Variants in RAB27B observed in about 807,000 individuals in gnomAD.
RAB27B encodes RAB27B, member RAS oncogene family.
RAB27B carries 15 observed loss-of-function variants against 24.6 expected under a neutral mutation model. The ratio of observed to expected loss-of-function variants is 0.61; its 90% confidence interval spans 0.41 to 0.94. The LOEUF (loss-of-function observed/expected upper bound fraction) is 0.94, where lower values mean the gene tolerates loss of function less well. Ranked by LOEUF, RAB27B falls within the 40% of genes least tolerant of loss-of-function variation. The pLI, the probability that RAB27B is intolerant of heterozygous loss-of-function variation, is 0.00. For synonymous variants in RAB27B, 105 were observed against 92.5 expected (o/e 1.14, Z -0.78); for missense variants, 261 against 266.8 (o/e 0.98, Z 0.15).
At position 54,807,567 on chromosome 18, in the gene RAB27B, G is replaced by A. The variant is rs140404366; in HGVS notation, c.-19-70000G>A. On this transcript the variant is annotated intron_variant, in intron 2 of 4. Coordinates refer to the RAB27B transcript ENST00000586570. ...TCATTTCTTAGCTCTATCAATATGC[G>A]TATCATCTGGTTGCCAGCTATGGAA... Among the ~76,000 whole-genome samples the A allele has an allele frequency of 9.8e-4, 149 of 152,200 alleles. 1 individual carries two copies. Among genetic ancestry groups the A allele is most frequent in the African/African-American group, 3.3e-3 (139 of 41,534 alleles).
intron 2 of RAB27B, among the ~76,000 whole-genome samples, chr18:54,721,980 T>C (rs1231773967): frequency 6.6e-6 from 1 of 152,178 alleles, no homozygotes; most frequent in Non-Finnish European, 1.5e-5. Flanking sequence ...TTCTGAAACT[T>C]TGAAATCTTG....
chr18:54,791,455 G>C (rs1051233015), intron 2 of RAB27B, among the ~76,000 whole-genome samples: 5 of 152,130 alleles, frequency 3.3e-5, no homozygotes, highest in Non-Finnish European at 5.9e-5. Context: ...CACGCCTGTA[G>C]TCCCAGCTAC....
chr18:54,884,471 TG>T (rs766249373), intron 4 of RAB27B, 35 bp downstream of exon 4: 45 of 1,418,576 alleles, frequency 3.2e-5, no homozygotes, highest in Non-Finnish European at 4.2e-5. Context: ...TTGGCCGCTT[TG>T]GGACTCAACT....
intron 2 of RAB27B, among the ~76,000 whole-genome samples, chr18:54,822,563 GACTAT>G (rs1910343886): frequency 6.6e-6 from 1 of 152,124 alleles, no homozygotes; most frequent in African/African-American, 2.4e-5. Flanking sequence ...ATTTGCATAT[GACTAT>G]ACTTATGTCC....
chr18:54,841,462 A>G (rs1427994383), intron 1 of RAB27B, among the ~76,000 whole-genome samples: 1 of 152,240 alleles, frequency 6.6e-6, no homozygotes, highest in Non-Finnish European at 1.5e-5. Context: ...TGTGGATTTT[A>G]GTATCCACCG....
At chr18:54,836,964 T>G (rs1910918663) in intron 1 of RAB27B, among the ~76,000 whole-genome samples, 1 of 152,192 alleles carries the variant, frequency 6.6e-6, no homozygotes, top group African/African-American at 2.4e-5. Context: ...AATACCAATT[T>G]AATCTCTGGT....
chr18:54,794,331 TTC>T (rs1375634898), intron 2 of RAB27B, among the ~76,000 whole-genome samples: 1 of 152,240 alleles, frequency 6.6e-6, no homozygotes, highest in Admixed American at 6.5e-5. Context: ...TTGCATATTT[TTC>T]TGAGTGTCAT....
chr18:54,839,612 G>A (rs1217070234), intron 1 of RAB27B, among the ~76,000 whole-genome samples: 2 of 152,090 alleles, frequency 1.3e-5, no homozygotes, highest in African/African-American at 4.8e-5. Context: ...AAAAGAAAAG[G>A]TTTCTTATCT....
intron 1 of RAB27B, among the ~76,000 whole-genome samples, chr18:54,849,699 C>G (rs749503660): frequency 4.6e-5 from 7 of 151,978 alleles, no homozygotes; most frequent in Non-Finnish European, 8.8e-5. Flanking sequence ...CCAGCCTGGG[C>G]GACAGAGCCA....
At chr18:54,812,565 A>ACACT (rs1321174090) in intron 2 of RAB27B, among the ~76,000 whole-genome samples, 2 of 149,662 alleles carry the variant, frequency 1.3e-5, no homozygotes, top group African/African-American at 5.0e-5. Context: ...ACACACACAC[A>ACACT]CACACACACA....
At chr18:54,753,822 T>C (rs1056782086) in intron 2 of RAB27B, among the ~76,000 whole-genome samples, 3 of 152,146 alleles carry the variant, frequency 2.0e-5, no homozygotes, top group African/African-American at 4.8e-5. Flanking sequence ...AGTTTTGCCA[T>C]TTTATAAAAT....
chr18:54,804,891 TCTCTTTCTCTCTCTCTTTCTTTC>T (rs1909726689), intron 2 of RAB27B, among the ~76,000 whole-genome samples: 1 of 78,606 alleles, frequency 1.3e-5, no homozygotes, highest in African/African-American at 4.7e-5. Flanking sequence ...TTTCTTTCTT[TCTCTTTCTCTCTCTCTTTCTTTC>T]TTTCTTTCTT....
At chr18:54,827,664 A>G (rs936361783), upstream of RAB27B, among the ~76,000 whole-genome samples, 10 of 152,238 alleles carry the variant, frequency 6.6e-5, no homozygotes, top group Admixed American at 5.9e-4. Context: ...CTCGTTGTTT[A>G]CTAACATGAA....
At chr18:54,764,856 G>T (rs1908308525) in intron 2 of RAB27B, among the ~76,000 whole-genome samples, 1 of 151,998 alleles carries the variant, frequency 6.6e-6, no homozygotes, top group Non-Finnish European at 1.5e-5. Flanking sequence ...TGCTGTCTGT[G>T]GCATCTCACA....
At chr18:54,875,017 C>G (rs1912636615) in intron 1 of RAB27B, among the ~76,000 whole-genome samples, 1 of 152,104 alleles carries the variant, frequency 6.6e-6, no homozygotes, top group African/African-American at 2.4e-5. Context: ...TTCAATGATA[C>G]AGTCCTGGTA....
intron 2 of RAB27B, among the ~76,000 whole-genome samples, chr18:54,814,189 G>A (rs1282109655): frequency 6.6e-6 from 1 of 151,856 alleles, no homozygotes; most frequent in Non-Finnish European, 1.5e-5. Flanking sequence ...CTCTGTAAAG[G>A]GCCAGATAAT....
chr18:54,894,430 A>G lies in RAB27B; in HGVS notation c.*5017A>G, dbSNP rs914337856. ...CTGACCTTAACTTAATGGATCCCTT[A>G]TTCAATCAGTGGCTTCTGTCTTTAT... On this transcript the variant is annotated 3_prime_UTR_variant, in exon 6 of 6. Transcript: ENST00000262094. 5 of 152,042 alleles carry G rather than the reference A, an allele frequency of 3.3e-5. No homozygotes were observed. The highest frequency in any genetic ancestry group is 1.2e-4 in the African/African-American group (5 of 41,426). The allele number at this position is 152,042 out of a possible 1,614,324, so 9.4% of individuals were successfully genotyped here.
chr18:54,884,217 T>A, intron 3 of RAB27B, 116 bp from the exon 4 acceptor site: 5 of 619,966 alleles, frequency 8.1e-6, no homozygotes, highest in Non-Finnish European at 1.2e-5. Context: ...TTCCCTAAGA[T>A]ATTCCATAAG....
In RAB27B at chr18:54,850,732, A is replaced by G. The variant is rs1162163970; in HGVS notation, c.-20+22032A>G. Reference sequence around the variant, plus strand: ...CGGTGACTGATGAAGGGACTTATTCAGTGCTTTTCCTTTATGCACTGATAT... The same window carrying G: ...CGGTGACTGATGAAGGGACTTATTCGGTGCTTTTCCTTTATGCACTGATAT... On this transcript the variant is annotated intron_variant, in intron 1 of 5. Transcript: ENST00000262094. Among the ~76,000 whole-genome samples the G allele has an allele frequency of 2.0e-5, 3 of 151,460 alleles. No individual in the cohort carries two copies. In the East Asian group the frequency reaches 5.8e-4, roughly 29 times the overall value.
Sources: allele counts gnomAD v4.1 joint callset (sites outside exome capture counted in the v4.1 genomes callset), GRCh38; gene constraint gnomAD v4.1.1; transcripts MANE v1.5; gene names NCBI Gene and HGNC (gene_info 2026-07-23, HGNC 2026-07-21).